The following DCHS2 variants were observed in gnomAD, a reference collection of about 807,000 sequenced individuals.
DCHS2 encodes protocadherin-23.
In DCHS2, 142 loss-of-function variants were observed where a neutral mutation model predicts 182.4. That is an observed-to-expected ratio of 0.78 (90% confidence interval 0.68 to 0.89). The LOEUF is 0.89. Ranked by LOEUF, DCHS2 falls within the 40% of genes least tolerant of loss-of-function variation. The probability of loss-of-function intolerance (pLI) is 0.00; values close to 1 mark genes in which losing one functional copy is unlikely to be tolerated. For missense variants in DCHS2, 4,319 were observed against 4,198.6 expected (o/e 1.03, Z -0.79); for synonymous variants, 1,740 against 1,663.3 (o/e 1.05, Z -1.12).
intron 1 of DCHS2, among the ~76,000 whole-genome samples, chr4:154,383,031 G>A (rs1196282265): frequency 6.6e-6 from 1 of 152,280 alleles, no homozygotes; most frequent in East Asian, 1.9e-4. Flanking sequence ...AAAGACACAT[G>A]CACTTGCATA....
rs775507438 is a variant in DCHS2, at chr4:154,315,727, G to A, written c.5260+21C>T. 7 of 1,608,200 alleles carry A rather than the reference G, an allele frequency of 4.4e-6. No individual in the cohort carries two copies. In the South Asian group the frequency reaches 7.8e-5, roughly 18 times the overall value. On this transcript the variant is annotated intron_variant, in intron 10 of 19. Transcript: ENST00000357232. Reference sequence around the variant, plus strand: ...ATTTCTTTTAAGCATTAAATACCCAGTTTCTGTATTTCTAAATTACCTGAA... The same window carrying A: ...ATTTCTTTTAAGCATTAAATACCCAATTTCTGTATTTCTAAATTACCTGAA...
chr4:154,369,312 C>A (rs555858974), intron 2 of DCHS2, among the ~76,000 whole-genome samples: 8 of 152,322 alleles, frequency 5.3e-5, no homozygotes, highest in South Asian at 2.1e-4. Context: ...TCTCACAGAG[C>A]CTTTTGCACA....
intron 2 of DCHS2, among the ~76,000 whole-genome samples, chr4:154,375,683 A>G (rs1017708027): frequency 1.1e-4 from 16 of 152,300 alleles, no homozygotes; most frequent in African/African-American, 2.9e-4. Flanking sequence ...AATATCAAAC[A>G]TTAGGGAGAA....
intron 2 of DCHS2, among the ~76,000 whole-genome samples, chr4:154,371,398 C>T (rs1038265137): frequency 6.6e-6 from 1 of 151,934 alleles, no homozygotes; most frequent in Non-Finnish European, 1.5e-5. Flanking sequence ...CAGAAAGGAA[C>T]GGGTATCCTT....
At chr4:154,451,592 TC>T (rs1734538228) in intron 1 of DCHS2, among the ~76,000 whole-genome samples, 1 of 152,154 alleles carries the variant, frequency 6.6e-6, no homozygotes, top group Admixed American at 6.6e-5. Context: ...TTGGGCCTGT[TC>T]ACAGATGCTT....
intron 14 of DCHS2, among the ~76,000 whole-genome samples, chr4:154,262,521 G>A (rs1733038785): frequency 1.3e-5 from 2 of 152,136 alleles, no homozygotes; most frequent in Admixed American, 6.5e-5. Flanking sequence ...ATATGTTAAT[G>A]TGCCAGTTAT....
chr4:154,453,257 T>G (rs1427219150), intron 1 of DCHS2, among the ~76,000 whole-genome samples: 1 of 144,002 alleles, frequency 6.9e-6, no homozygotes, highest in Non-Finnish European at 1.5e-5. Context: ...TGCATAGTAA[T>G]GCGACACTGC....
Position 154,320,534 on chromosome 4 carries a change from G to A in DCHS2, c.4865C>T (p.Ser1622Phe), listed in dbSNP as rs1447477940. 5.6e-6 allele frequency: 9 copies of A among 1,614,062 alleles called. No homozygotes were observed. The South Asian group carries it at 9.9e-5, about 18-fold the overall frequency. The change falls in exon 9 of 20, where the codon TCT (serine) becomes TTT (phenylalanine). Residue 1622 changes from serine to phenylalanine, a missense_variant. By Grantham distance (155) the Ser-to-Phe change is radical. Transcript: ENST00000357232. ...DVNDHNPTFI[S>F]FPNAHVKEDV... ...CTCTTTGACATGGGCATTGGGGAAA[G>A]AAATAAAAGTGGGGTTGTGGTCATT...
chr4:154,260,243 T>G (rs868149188), intron 14 of DCHS2, among the ~76,000 whole-genome samples: 2 of 152,160 alleles, frequency 1.3e-5, no homozygotes, highest in Non-Finnish European at 2.9e-5. Context: ...TGTGAAAAGA[T>G]TTGGGATCTT....
At chr4:154,262,279 T>A (rs1733022142) in intron 14 of DCHS2, 1 of 152,150 alleles carries the variant, frequency 6.6e-6, no homozygotes, top group Non-Finnish European at 1.5e-5. Context: ...TGGCATATGC[T>A]GTGAAAGTCG....
intron 1 of DCHS2, among the ~76,000 whole-genome samples, chr4:154,486,899 T>C (rs974302367): frequency 1.3e-5 from 2 of 152,166 alleles, no homozygotes; most frequent in Non-Finnish European, 2.9e-5. Context: ...TCTGCAGCAA[T>C]ACTTGGCAAC....
chr4:154,376,060 A>G (rs1579022532), intron 2 of DCHS2, among the ~76,000 whole-genome samples: 1 of 152,230 alleles, frequency 6.6e-6, no homozygotes, highest in East Asian at 1.9e-4. Flanking sequence ...AGTGGTTTCT[A>G]AAAAGGCAGG....
Position 154,235,314 on chromosome 4 carries a change from T to A in DCHS2, c.9338A>T (p.His3113Leu). Residue 3113 changes from histidine to leucine, a missense_variant, in exon 20 of 20, where the codon CAT becomes CTT. By Grantham distance (99) the His-to-Leu change is moderately conservative. Coordinates refer to ENST00000357232, the MANE Select transcript of DCHS2 (RefSeq NM_001358235.2). ...TGAGTCTGAGCACTTTCTGTAGGGA[T>A]GCTCATTTATCCTCTGGATTTCCTT... Reference protein sequence around the residue: ...EDKEIQRINEHPYRKCSDSAL... With the variant: ...EDKEIQRINELPYRKCSDSAL... 1 of 1,614,120 alleles carries A rather than the reference T, an allele frequency of 6.2e-7. No individual in the cohort carries two copies. The highest frequency in any genetic ancestry group is 1.1e-5 in the South Asian group (1 of 91,080).
At chr4:154,466,980 T>C (rs1247291137) in intron 1 of DCHS2, among the ~76,000 whole-genome samples, 1 of 152,184 alleles carries the variant, frequency 6.6e-6, no homozygotes, top group Non-Finnish European at 1.5e-5. Flanking sequence ...TATTAAGTAT[T>C]ATACACAAAA....
chr4:154,251,668 G>T (rs4696540), intron 16 of DCHS2, among the ~76,000 whole-genome samples: 128,391 of 152,018 alleles, frequency 0.84, 56,415 homozygotes, highest in East Asian at 1. Context: ...ACAGGAGCCC[G>T]CCACCATGCC....
chr4:154,293,315 G>A (rs555712771), intron 13 of DCHS2, among the ~76,000 whole-genome samples: 4 of 152,028 alleles, frequency 2.6e-5, no homozygotes, highest in Non-Finnish European at 5.9e-5. Flanking sequence ...CGATTCTCCC[G>A]GATTACAGGC....
chr4:154,439,227 T>C (rs1733899742), intron 1 of DCHS2, among the ~76,000 whole-genome samples: 1 of 152,180 alleles, frequency 6.6e-6, no homozygotes, highest in South Asian at 2.1e-4. Flanking sequence ...TATATACATA[T>C]TTATGCCAGT....
At chr4:154,406,569 T>C (rs1732409287) in intron 1 of DCHS2, among the ~76,000 whole-genome samples, 1 of 152,218 alleles carries the variant, frequency 6.6e-6, no homozygotes, top group Non-Finnish European at 1.5e-5. Context: ...GCTCTTATTG[T>C]TTTTCTTGTG....
intron 1 of DCHS2, among the ~76,000 whole-genome samples, chr4:154,385,736 C>T (rs1731384319): frequency 6.6e-6 from 1 of 152,068 alleles, no homozygotes; most frequent in African/African-American, 2.4e-5. Flanking sequence ...TCGTGACCCA[C>T]CTACCTCAGG....
Sources: allele counts gnomAD v4.1 joint callset (sites outside exome capture counted in the v4.1 genomes callset), GRCh38; gene constraint gnomAD v4.1.1; transcripts MANE v1.5; gene names NCBI Gene and HGNC (gene_info 2026-07-23, HGNC 2026-07-21).